The following C14orf93 variants were observed in gnomAD, a reference collection of about 807,000 sequenced individuals.
C14orf93 encodes chromosome 14 open reading frame 93, also known as uncharacterized protein C14orf93.
Under a neutral mutation model 44.0 loss-of-function variants are expected in C14orf93, and 23 were observed. The ratio of observed to expected loss-of-function variants is 0.52; its 90% CI spans 0.38 to 0.74. The LOEUF (loss-of-function observed/expected upper bound fraction) is 0.74. Among genes scored for constraint, C14orf93 ranks in the 30% least tolerant of loss-of-function variants. C14orf93 has a pLI of 0.00. For synonymous variants in C14orf93, 253 were observed against 265.7 expected (o/e 0.95, Z 0.46); for missense variants, 579 against 678.9 (o/e 0.85, Z 1.64).
In C14orf93 at chr14:22,987,790, C is replaced by A; in HGVS notation, c.1197+113G>T. ...GCATTGGCTCACTGTTCTTCTCTAT[C>A]TTCCTACATTCCTGGCTCTCAACCC... On this transcript the variant is annotated intron_variant, in intron 6 of 6. Transcript: ENST00000299088. The surrounding 1 kb of genome is among the most constrained non-coding windows in gnomAD (Gnocchi z 5.6). The A allele has an allele frequency of 4.9e-6, 6 of 1,215,924 alleles. No homozygotes were observed. In the South Asian group the frequency reaches 8.8e-5, roughly 18 times the overall value. 75.3% of individuals were successfully genotyped at this position (1,215,924 alleles called of 1,614,324 possible). A position where few individuals can be genotyped will look rare whatever the true frequency, so the allele number is the denominator to read the frequency against.
intron 2 of C14orf93, chr14:22,998,144 G>A (rs1462072331): frequency 1.3e-5 from 5 of 379,738 alleles, no homozygotes; most frequent in South Asian, 7.5e-5. Context: ...TGGAGCAGCC[G>A]AGACAGCTGT....
chr14:22,997,773 CT>C (rs2046076990), intron 2 of C14orf93, among the ~76,000 whole-genome samples: 1 of 151,700 alleles, frequency 6.6e-6, no homozygotes, highest in Non-Finnish European at 1.5e-5. Context: ...ATTTCTTTTT[CT>C]CATTTCCCAT....
intron 3 of C14orf93, among the ~76,000 whole-genome samples, chr14:22,992,347 TC>T (rs1169009488): frequency 2.6e-5 from 4 of 151,008 alleles, no homozygotes; most frequent in Non-Finnish European, 5.9e-5. Flanking sequence ...GCGACTGTAG[TC>T]CCAGCTACTC....
In C14orf93 at chr14:22,987,377, G is replaced by A. The variant is rs781217971; in HGVS notation, c.1455C>T (p.Ala485=). The part of the protein sequence containing the change: ...PPSDRLPSAE[A]QLLPPELYNP... The stretch of plus-strand genomic sequence containing the variant: ...TGTAAAGTTCTGGTGGAAGGAGCTG[G>A]GCTTCAGCAGAAGGCAGTCTGTCTG... Residue 485 remains alanine, a synonymous_variant, in exon 7 of 7, where the codon GCC becomes GCT. Coordinates refer to ENST00000299088, the MANE Select transcript of C14orf93 (RefSeq NM_021944.4). This position sits in a 1 kb window ranked among gnomAD's most constrained non-coding sequence, Gnocchi z 5.6. 6 of 1,614,104 alleles carry A rather than the reference G, an allele frequency of 3.7e-6. No individual in the cohort carries two copies. Among genetic ancestry groups the A allele is most frequent in the Non-Finnish European group, 5.1e-6 (6 of 1,180,056 alleles).
chr14:22,998,591 A>G lies in C14orf93; in HGVS notation c.433T>C (p.Cys145Arg), dbSNP rs746255436. The change falls in exon 2 of 7, where the codon TGT (cysteine) becomes CGT (arginine). Residue 145 changes from cysteine (C) to arginine (R), a missense_variant. Physicochemically the swap from Cys to Arg is radical, Grantham distance 180 (BLOSUM62 -3). Coordinates refer to ENST00000299088, the MANE Select transcript of C14orf93 (RefSeq NM_021944.4). ...FKALSAVEEE[C>R]DSVGSGVQVV... The stretch of plus-strand genomic sequence containing the variant: ...TGCACGCCGCTGCCCACGCTGTCAC[A>G]CTCCTCTTCCACGGCAGACAGAGCC... The G allele has an allele frequency of 1.2e-6, 2 of 1,613,786 alleles. No individual in the cohort carries two copies. The highest frequency in any genetic ancestry group is 2.2e-5 in the South Asian group (2 of 91,070).
chr14:23,003,651 A>C (rs2046417552), intron 1 of C14orf93, among the ~76,000 whole-genome samples: 1 of 151,446 alleles, frequency 6.6e-6, no homozygotes, highest in Non-Finnish European at 1.5e-5. Context: ...AACAAAAAAA[A>C]GTAGCCGCGC....
At chr14:22,993,230 T>G (rs1004273104) in intron 3 of C14orf93, among the ~76,000 whole-genome samples, 4 of 152,226 alleles carry the variant, frequency 2.6e-5, no homozygotes, top group Non-Finnish European at 5.9e-5. Flanking sequence ...TGTTTCTGAT[T>G]GTATTTTCAT....
At chr14:22,994,410 G>A (rs1488643435) in intron 3 of C14orf93, among the ~76,000 whole-genome samples, 2 of 151,770 alleles carry the variant, frequency 1.3e-5, no homozygotes, top group Admixed American at 1.3e-4. Context: ...ACTCGGGAGG[G>A]TGAGGCAGGA....
chr14:22,987,898 C>T lies in C14orf93; in HGVS notation c.1197+5G>A. The T allele has an allele frequency of 3.1e-6, 5 of 1,606,230 alleles. No individual in the cohort carries two copies. The highest frequency in any genetic ancestry group is 4.3e-6 in the Non-Finnish European group (5 of 1,173,292). On this transcript the variant is annotated splice_donor_5th_base_variant and intron_variant, in intron 6 of 6. Coordinates refer to ENST00000299088, the MANE Select transcript of C14orf93 (RefSeq NM_021944.4). This position sits in a 1 kb window ranked among gnomAD's most constrained non-coding sequence, Gnocchi z 5.6. ...GTATCTTGAAAGAAAGGCCTAGAAA[C>T]CTACCCGATATCGGCGACTTCGAAG...
intron 1 of C14orf93, among the ~76,000 whole-genome samples, chr14:23,001,924 G>A (rs576763675): frequency 6.9e-6 from 1 of 145,918 alleles, no homozygotes; most frequent in Non-Finnish European, 1.5e-5. Context: ...CGAGGCCGGC[G>A]AATCACGAGG....
chr14:23,003,789 A>G (rs1367381510), intron 1 of C14orf93, among the ~76,000 whole-genome samples: 20 of 138,080 alleles, frequency 1.4e-4, no homozygotes, highest in Non-Finnish European at 6.2e-5. Flanking sequence ...AGACAGGGCG[A>G]GACTCCGGCT....
chr14:22,998,894 T>A lies in C14orf93; in HGVS notation c.130A>T (p.Thr44Ser). 1 of 1,613,890 alleles carries A rather than the reference T, an allele frequency of 6.2e-7. No individual in the cohort carries two copies. Among genetic ancestry groups the A allele is most frequent in the Non-Finnish European group, 8.5e-7 (1 of 1,179,984 alleles). ...CCATGTCCAGTCACTGTGATGGGGGTGCTGGGAGGAGGATTCCCACCCTGG... is the reference window on the plus strand; with the variant it reads ...CCATGTCCAGTCACTGTGATGGGGGAGCTGGGAGGAGGATTCCCACCCTGG... ...GSQGGNPPPSTPITVTGHGLA... is the reference protein window; with the variant it reads ...GSQGGNPPPSSPITVTGHGLA... Residue 44 changes from threonine to serine, a missense_variant, in exon 2 of 7, where the codon ACC becomes TCC. By Grantham distance (58) the Thr-to-Ser change is moderately conservative. Coordinates refer to ENST00000299088, the MANE Select transcript of C14orf93 (RefSeq NM_021944.4).
intron 3 of C14orf93, among the ~76,000 whole-genome samples, chr14:22,992,540 G>A (rs1408274143): frequency 6.7e-6 from 1 of 149,596 alleles, no homozygotes; most frequent in African/African-American, 2.4e-5. Flanking sequence ...GCCCATAATA[G>A]CACCTAAAAT....
chr14:22,991,253 G>A (rs1296482291), intron 3 of C14orf93, among the ~76,000 whole-genome samples: 5 of 150,072 alleles, frequency 3.3e-5, no homozygotes, highest in Admixed American at 1.3e-4. Flanking sequence ...CCAGCCGGGC[G>A]CGGTGGCTCA....
chr14:22,990,227 T>A, intron 3 of C14orf93, 100 bp from the exon 4 acceptor site: 2 of 951,944 alleles, frequency 2.1e-6, no homozygotes, highest in Non-Finnish European at 1.6e-6. Context: ...TAAGGGGCTC[T>A]CTGCCTGAAT....
Position 23,004,644 on chromosome 14 carries a change from T to C in C14orf93, c.-379-5242A>G, listed in dbSNP as rs115771539. 2.4e-3 allele frequency among the ~76,000 whole-genome samples: 368 copies of C among 152,144 alleles called. 1 individual carries two copies. The highest frequency in any genetic ancestry group is 8.4e-3 in the African/African-American group (349 of 41,528). On this transcript the variant is annotated intron_variant, in intron 1 of 6. Coordinates refer to ENST00000299088, the MANE Select transcript of C14orf93 (RefSeq NM_021944.4). Reference sequence around the variant, plus strand: ...ATCTAAAAAACAAATTGAGGCCAGGTGCAGTGGCTCAAACCTATAATCTCA... The same window carrying C: ...ATCTAAAAAACAAATTGAGGCCAGGCGCAGTGGCTCAAACCTATAATCTCA...
In C14orf93 at chr14:22,998,664, T is replaced by A; in HGVS notation, c.360A>T (p.Pro120=). ...EDGESRAHSS[P]PEEPGPLKES... ...CCTTGAGAGGCCCAGGCTCCTCAGG[T>A]GGGGAACTATGTGCCCGGCTTTCCC... The change falls in exon 2 of 7, where the codon CCA becomes CCT. Residue 120 remains proline (P), a synonymous_variant. Coordinates refer to ENST00000299088, the MANE Select transcript of C14orf93 (RefSeq NM_021944.4). 1 of 1,614,066 alleles carries A rather than the reference T, an allele frequency of 6.2e-7. No individual in the cohort carries two copies. Among genetic ancestry groups the A allele is most frequent in the Non-Finnish European group, 8.5e-7 (1 of 1,179,914 alleles).
At chr14:23,007,160 G>C (rs2046664928) in intron 1 of C14orf93, 1 of 152,258 alleles carries the variant, frequency 6.6e-6, no homozygotes, top group African/African-American at 2.4e-5. Context: ...GCTACCGCGC[G>C]CACGCGGGGA....
At chr14:23,003,106 A>G (rs1473744213) in intron 1 of C14orf93, among the ~76,000 whole-genome samples, 1 of 152,214 alleles carries the variant, frequency 6.6e-6, no homozygotes, top group African/African-American at 2.4e-5. Context: ...GTATTTTCCT[A>G]TTGTGAGTTC....
Sources: allele counts gnomAD v4.1 joint callset (sites outside exome capture counted in the v4.1 genomes callset), GRCh38; gene constraint gnomAD v4.1.1; non-coding constraint Gnocchi (gnomAD v3.1); transcripts MANE v1.5; gene names NCBI Gene and HGNC (gene_info 2026-07-23, HGNC 2026-07-21).